The following CSTF1 variants were observed in gnomAD, a reference collection of about 807,000 sequenced individuals.
CSTF1 encodes CF-1 50 kDa subunit.
Under a neutral mutation model 40.9 loss-of-function variants are expected in CSTF1, and 2 were observed. The observed-to-expected ratio is 0.05, with a 90% CI of 0.02 to 0.15. The LOEUF is 0.15. Among genes scored for constraint, CSTF1 ranks in the 10% least tolerant of loss-of-function variants. The pLI, the probability that CSTF1 is intolerant of heterozygous loss-of-function variation, is 1.00. For synonymous variants in CSTF1, 218 were observed against 207.2 expected (o/e 1.05, Z -0.45); for missense variants, 279 against 558.9 (o/e 0.50, Z 5.05).
At position 56,406,292 on chromosome 20, in the gene CSTF1, G is replaced by A. The variant is rs778341726; in HGVS notation, c.*2565G>A. 2 of 151,574 alleles carry A rather than the reference G, an allele frequency of 1.3e-5. No homozygotes were observed. Among genetic ancestry groups the A allele is most frequent in the Non-Finnish European group, 2.9e-5 (2 of 67,952 alleles). The allele number at this position is 151,574 out of a possible 1,614,324, so 9.4% of individuals were successfully genotyped here. ...AATAATGAATATCTGGTCAGGATAC[G>A]AACTTATACCCTCTGTGTGTTTTTT... On this transcript the variant is annotated 3_prime_UTR_variant, in exon 6 of 6. Coordinates refer to ENST00000217109, the MANE Select transcript of CSTF1 (RefSeq NM_001324.3).
In CSTF1 at chr20:56,404,812, A is replaced by AGTTTTTTTTTTTTTTTTTTTTT. The variant is rs1978635340; in HGVS notation, c.*1085_*1086insGTTTTTTTTTTTTTTTTTTTTT. 1 of 50,912 alleles carries AGTTTTTTTTTTTTTTTTTTTTT rather than the reference A, an allele frequency of 2.0e-5. No homozygotes were observed. Among genetic ancestry groups the AGTTTTTTTTTTTTTTTTTTTTT allele is most frequent in the African/African-American group, 1.2e-4 (1 of 8,334 alleles). 3.2% of individuals were successfully genotyped at this position (50,912 alleles called of 1,614,324 possible). Reference sequence around the variant, plus strand: ...AGGCACCCACCACCACGCCCGGCTAATTTTTTTTTTTTTTTTTTTTTTTTT... The same window carrying AGTTTTTTTTTTTTTTTTTTTTT: ...AGGCACCCACCACCACGCCCGGCTAAGTTTTTTTTTTTTTTTTTTTTTTTTTTTTTTTTTTTTTTTTTTTTTT... On this transcript the variant is annotated 3_prime_UTR_variant, in exon 6 of 6. Coordinates refer to ENST00000217109, the MANE Select transcript of CSTF1 (RefSeq NM_001324.3).
In CSTF1 at chr20:56,406,291, C is replaced by G. The variant is rs180678367; in HGVS notation, c.*2564C>G. 3.3e-5 allele frequency: 5 copies of G among 151,320 alleles called. No homozygotes were observed. The highest frequency in any genetic ancestry group is 3.3e-4 in the Admixed American group (5 of 15,180). 9.4% of individuals were successfully genotyped at this position (151,320 alleles called of 1,614,324 possible). A position where few individuals can be genotyped will look rare whatever the true frequency, so the allele number is the denominator to read the frequency against. On this transcript the variant is annotated 3_prime_UTR_variant, in exon 6 of 6. Coordinates refer to ENST00000217109, the MANE Select transcript of CSTF1 (RefSeq NM_001324.3). Reference sequence around the variant, plus strand: ...AAATAATGAATATCTGGTCAGGATACGAACTTATACCCTCTGTGTGTTTTT... The same window carrying G: ...AAATAATGAATATCTGGTCAGGATAGGAACTTATACCCTCTGTGTGTTTTT...
chr20:56,393,391 G>A (rs776888402), intron 1 of CSTF1, among the ~76,000 whole-genome samples: 8 of 152,028 alleles, frequency 5.3e-5, no homozygotes, highest in Non-Finnish European at 1.0e-4. Context: ...GAAATTATTC[G>A]AGTCATATTA....
In CSTF1 at chr20:56,399,331, C is replaced by T. The variant is rs1978354659; in HGVS notation, c.1010C>T (p.Thr337Met). Residue 337 changes from threonine (T) to methionine (M), a missense_variant, in exon 5 of 6, where the codon ACG becomes ATG. Physicochemically the swap from Thr to Met is moderately conservative, Grantham distance 81. Coordinates refer to ENST00000217109, the MANE Select transcript of CSTF1 (RefSeq NM_001324.3). The surrounding 1 kb of genome is among the most constrained non-coding windows in gnomAD (Gnocchi z 4.6). ...GTAGCTAAACTTTGGGAAATATCAA[C>T]GGGACGAACACTGGTCAGATACACG... ...DSVAKLWEIS[T>M]GRTLVRYTGA... 4.3e-6 allele frequency: 7 copies of T among 1,612,746 alleles called. No individual in the cohort carries two copies. The highest frequency in any genetic ancestry group is 5.9e-6 in the Non-Finnish European group (7 of 1,179,324).
chr20:56,395,695 A>G lies in CSTF1; in HGVS notation c.143A>G (p.Glu48Gly). The change falls in exon 2 of 6, where the codon GAG (glutamate) becomes GGG (glycine). Residue 48 changes from glutamate (E) to glycine (G), a missense_variant. Around this residue, in one of 4 missense-constraint regions of CSTF1, gnomAD observed 66 missense variants for 148.0 expected, o/e 0.45. Coordinates refer to ENST00000217109, the MANE Select transcript of CSTF1 (RefSeq NM_001324.3). ...CCTCAGTCTGTGTGTGCACCCTCGG[A>G]GCAGCTCCTGCATCTCATCAAACTC... ...IKPQSVCAPSEQLLHLIKLGM... is the reference protein window; with the variant it reads ...IKPQSVCAPSGQLLHLIKLGM... 1 of 1,614,096 alleles carries G rather than the reference A, an allele frequency of 6.2e-7. No homozygotes were observed. The highest frequency in any genetic ancestry group is 8.5e-7 in the Non-Finnish European group (1 of 1,179,974).
intron 2 of CSTF1, chr20:56,396,992 A>C: frequency 1.9e-6 from 1 of 537,436 alleles, no homozygotes; most frequent in South Asian, 2.6e-5. Flanking sequence ...ATTGGAGCCT[A>C]ACCTTCCAGC....
In CSTF1 at chr20:56,406,312, T is replaced by TG. The variant is rs950844263; in HGVS notation, c.*2585_*2586insG. On this transcript the variant is annotated 3_prime_UTR_variant, in exon 6 of 6. Coordinates refer to ENST00000217109, the MANE Select transcript of CSTF1 (RefSeq NM_001324.3). The stretch of plus-strand genomic sequence containing the variant: ...GATACGAACTTATACCCTCTGTGTG[T>TG]TTTTTTTTTTTAAGATACGTGATTT... The TG allele has an allele frequency of 3.4e-5, 5 of 145,060 alleles. No individual in the cohort carries two copies. The highest frequency in any genetic ancestry group is 2.0e-4 in the East Asian group (1 of 5,068). The allele number at this position is 145,060 out of a possible 1,614,324, so 9.0% of individuals were successfully genotyped here. A position where few individuals can be genotyped will look rare whatever the true frequency, so the allele number is the denominator to read the frequency against.
intron 1 of CSTF1, among the ~76,000 whole-genome samples, chr20:56,393,313 A>C (rs932868814): frequency 2.0e-5 from 3 of 152,032 alleles, no homozygotes; most frequent in African/African-American, 7.2e-5. Flanking sequence ...TTAAATTCAC[A>C]TAAGACGAAT....
intron 5 of CSTF1, among the ~76,000 whole-genome samples, chr20:56,400,689 C>T (rs1367135942): frequency 6.6e-6 from 1 of 152,164 alleles, no homozygotes; most frequent in Non-Finnish European, 1.5e-5. Flanking sequence ...TCTCATTTCA[C>T]AGGTCAAGCG....
At chr20:56,394,573 C>T (rs1426898724) in intron 1 of CSTF1, among the ~76,000 whole-genome samples, 4 of 152,184 alleles carry the variant, frequency 2.6e-5, no homozygotes, top group South Asian at 2.1e-4. Context: ...GGCGACAGAG[C>T]GAGACTCCGT....
Position 56,405,565 on chromosome 20 carries a change from A to G in CSTF1, c.*1838A>G, listed in dbSNP as rs1471657202. The G allele has an allele frequency of 6.6e-6, 1 of 152,194 alleles. No homozygotes were observed. The highest frequency in any genetic ancestry group is 1.9e-4 in the East Asian group (1 of 5,198). The allele number at this position is 152,194 out of a possible 1,614,324, so 9.4% of individuals were successfully genotyped here. On this transcript the variant is annotated 3_prime_UTR_variant, in exon 6 of 6. Coordinates refer to ENST00000217109, the MANE Select transcript of CSTF1 (RefSeq NM_001324.3). ...AAACATTCTGTTTTAGTCATCCTTGAGGATCGTTTTAACTCCTTGATCTGT... is the reference window on the plus strand; with the variant it reads ...AAACATTCTGTTTTAGTCATCCTTGGGGATCGTTTTAACTCCTTGATCTGT...
chr20:56,398,176 A>G (rs931967912), intron 4 of CSTF1, among the ~76,000 whole-genome samples: 2 of 152,270 alleles, frequency 1.3e-5, no homozygotes, highest in East Asian at 1.9e-4. Context: ...AGTTCATTTG[A>G]AAGTATTAAG....
chr20:56,401,179 G>A (rs1978434629), intron 5 of CSTF1, among the ~76,000 whole-genome samples: 1 of 152,098 alleles, frequency 6.6e-6, no homozygotes, highest in African/African-American at 2.4e-5. Flanking sequence ...GGAGAAAATG[G>A]TTATAGCATA....
rs141007090 is a variant in CSTF1 at position 56,394,676 on chromosome 20, A to T, written c.-32-845A>T. ...GTAGCCTTTTAATCTTGGTCCAAAC[A>T]TACACATACATAAAGGCATTGATTT... On this transcript the variant is annotated intron_variant, in intron 1 of 5. Transcript: ENST00000217109. Among the ~76,000 whole-genome samples the T allele has an allele frequency of 3.9e-3, 595 of 152,354 alleles. 8 individuals carry two copies. The highest frequency in any genetic ancestry group is 0.014 in the African/African-American group (573 of 41,574).
intron 2 of CSTF1, 105 bp downstream of exon 2, chr20:56,395,826 G>C: frequency 8.1e-7 from 1 of 1,230,864 alleles, no homozygotes; most frequent in Non-Finnish European, 1.1e-6. Context: ...TACCTAGTAT[G>C]AGCCGGGTAC....
intron 1 of CSTF1, among the ~76,000 whole-genome samples, chr20:56,394,997 A>G (rs1987476123): frequency 6.6e-6 from 1 of 152,150 alleles, no homozygotes; most frequent in African/African-American, 2.4e-5. Context: ...CTGTCTAATT[A>G]GATTATATAA....
chr20:56,403,755 G>C lies in CSTF1; in HGVS notation c.*28G>C. The C allele has an allele frequency of 1.3e-6, 2 of 1,589,834 alleles. No individual in the cohort carries two copies. The highest frequency in any genetic ancestry group is 1.7e-6 in the Non-Finnish European group (2 of 1,163,820). On this transcript the variant is annotated 3_prime_UTR_variant, in exon 6 of 6. Coordinates refer to ENST00000217109, the MANE Select transcript of CSTF1 (RefSeq NM_001324.3). ...CACCCTCTCCGTAGGGTTCTTTCTC[G>C]AGGACTCTACCCTCCTCCCCCACGT... is the stretch of plus-strand genomic sequence containing the variant.
At position 56,397,179 on chromosome 20, in the gene CSTF1, T is replaced by C; in HGVS notation, c.170-28T>C. 6.3e-7 allele frequency: 1 copy of C among 1,595,428 alleles called. No individual in the cohort carries two copies. Among genetic ancestry groups the C allele is most frequent in the Non-Finnish European group, 8.5e-7 (1 of 1,169,646 alleles). On this transcript the variant is annotated intron_variant, in intron 2 of 5. Transcript: ENST00000217109. This position sits in a 1 kb window ranked among gnomAD's most constrained non-coding sequence, Gnocchi z 4.4. ...TTTTTAAGAAAAAACACTTGTTTTG[T>C]TACGCCCTTAATTTTGATTTCTTTC... is the stretch of plus-strand genomic sequence containing the variant.
Position 56,399,472 on chromosome 20 carries a change from GT to G in CSTF1, c.1036+117del. 1 of 965,672 alleles carries G rather than the reference GT, an allele frequency of 1.0e-6. No homozygotes were observed. Among genetic ancestry groups the G allele is most frequent in the Admixed American group, 2.4e-5 (1 of 41,562 alleles). 59.8% of individuals were successfully genotyped at this position (965,672 alleles called of 1,614,324 possible). On this transcript the variant is annotated intron_variant, in intron 5 of 5. Coordinates refer to ENST00000217109, the MANE Select transcript of CSTF1 (RefSeq NM_001324.3). The surrounding 1 kb of genome is among the most constrained non-coding windows in gnomAD (Gnocchi z 4.6). The stretch of plus-strand genomic sequence containing the variant: ...TATCTATGCATTGAGCAAGGCAGAT[GT>G]TACCCTTTCTTAGATAAGAGGAAAC...
Sources: gnomAD v4.1 joint callset for allele counts (sites outside exome capture counted in the v4.1 genomes callset) on GRCh38, gnomAD v4.1.1 for gene constraint, gnomAD v4.1.1 regional missense constraint, Gnocchi (gnomAD v3.1) non-coding constraint, MANE v1.5 for transcripts, NCBI Gene and HGNC (gene_info 2026-07-23, HGNC 2026-07-21) for gene names.